The following FHIP1A variants were observed in gnomAD, a reference collection of about 807,000 sequenced individuals.
FHIP1A encodes the protein FHF complex subunit HOOK interacting protein 1A.
FHIP1A carries 61 observed loss-of-function variants against 88.6 expected under a neutral mutation model. The observed-to-expected ratio is 0.69, with a 90% CI of 0.56 to 0.85. The LOEUF (loss-of-function observed/expected upper bound fraction) is 0.85. Among genes scored for constraint, FHIP1A ranks in the 40% least tolerant of loss-of-function variants. The pLI, the probability that FHIP1A is intolerant of heterozygous loss-of-function variation, is 0.00. For synonymous variants in FHIP1A, 478 were observed against 496.0 expected (o/e 0.96, Z 0.48); for missense variants, 1,154 against 1,273.5 (o/e 0.91, Z 1.43).
rs187530119 is a variant in FHIP1A, at chr4:151,579,552, A to G, written c.732+1476A>G. 9.0e-3 allele frequency among the ~76,000 whole-genome samples: 1,372 copies of G among 152,306 alleles called. 9 individuals are homozygous for G. The highest frequency in any genetic ancestry group is 0.013 in the Non-Finnish European group (878 of 68,026). Reference sequence around the variant, plus strand: ...GGTATTGTAACAAATCAAAATATTCAGGTGGTTCACTTGATCAGTATGCAA... The same window carrying G: ...GGTATTGTAACAAATCAAAATATTCGGGTGGTTCACTTGATCAGTATGCAA... On this transcript the variant is annotated intron_variant, in intron 5 of 13. Coordinates refer to ENST00000435205, the MANE Select transcript of FHIP1A (RefSeq NM_001109977.3).
chr4:151,599,826 A>G (rs1734794655), intron 7 of FHIP1A, among the ~76,000 whole-genome samples: 1 of 152,196 alleles, frequency 6.6e-6, no homozygotes, highest in Non-Finnish European at 1.5e-5. Flanking sequence ...ATAGATGTGT[A>G]CAAGATGGTT....
chr4:151,588,848 C>A lies in FHIP1A; in HGVS notation c.900C>A (p.His300Gln). 6.4e-7 allele frequency: 1 copy of A among 1,550,398 alleles called. No individual in the cohort carries two copies. Among genetic ancestry groups the A allele is most frequent in the Non-Finnish European group, 8.7e-7 (1 of 1,145,888 alleles). The change falls in exon 7 of 14, where the codon CAC (histidine) becomes CAA (glutamine). Residue 300 changes from histidine to glutamine, a missense_variant. His to Gln is a conservative substitution (Grantham distance 24). Transcript: ENST00000435205. Reference protein sequence around the residue: ...EFCNAVIQVAHPLIRNQLVNY... With the variant: ...EFCNAVIQVAQPLIRNQLVNY... ...ATGTGCCTCTCTCTCAGGTGGCTCA[C>A]CCCTTGATTCGAAATCAGCTTGTCA...
intron 7 of FHIP1A, among the ~76,000 whole-genome samples, chr4:151,597,890 C>T (rs538423168): frequency 4.6e-5 from 7 of 152,222 alleles, no homozygotes; most frequent in East Asian, 3.9e-4. Flanking sequence ...GCACCAAGCT[C>T]GAGTGTCCCA....
chr4:151,644,312 T>C (rs976554938), intron 9 of FHIP1A, among the ~76,000 whole-genome samples: 2 of 151,210 alleles, frequency 1.3e-5, no homozygotes, highest in African/African-American at 4.9e-5. Context: ...GTATCACTTA[T>C]CACTTCTAGG....
intron 7 of FHIP1A, among the ~76,000 whole-genome samples, chr4:151,613,660 C>T (rs1414469548): frequency 6.6e-6 from 1 of 152,176 alleles, no homozygotes; most frequent in Admixed American, 6.5e-5. Flanking sequence ...TGTAGTTGTA[C>T]TTGATGGTCA....
At chr4:151,522,286 G>A (rs189277335) in intron 3 of FHIP1A, among the ~76,000 whole-genome samples, 39 of 152,274 alleles carry the variant, frequency 2.6e-4, no homozygotes, top group Admixed American at 4.6e-4. Context: ...CACTCTAACC[G>A]ACTTTAATCC....
At chr4:151,593,035 C>T (rs1356278230) in intron 7 of FHIP1A, among the ~76,000 whole-genome samples, 1 of 152,116 alleles carries the variant, frequency 6.6e-6, no homozygotes, top group Non-Finnish European at 1.5e-5. Flanking sequence ...TTCCCCATTG[C>T]TTGTTTTAGT....
rs553910044 is a variant in FHIP1A, at chr4:151,567,666, T to C, written c.105+1302T>C. Among the ~76,000 whole-genome samples the C allele has an allele frequency of 2.1e-3, 324 of 152,276 alleles. 1 individual carries two copies. Among genetic ancestry groups the C allele is most frequent in the African/African-American group, 7.5e-3 (312 of 41,564 alleles). ...CTAAGGAATGAGCCCAGTAGTTCATTGGGTGTAGGAAGAATATTTTAGAAG... is the reference window on the plus strand; with the variant it reads ...CTAAGGAATGAGCCCAGTAGTTCATCGGGTGTAGGAAGAATATTTTAGAAG... On this transcript the variant is annotated intron_variant, in intron 4 of 13. Transcript: ENST00000435205.
intron 3 of FHIP1A, among the ~76,000 whole-genome samples, chr4:151,554,049 C>T (rs1200288322): frequency 1.3e-5 from 2 of 152,184 alleles, no homozygotes; most frequent in Admixed American, 6.6e-5. Flanking sequence ...CCCATTGACT[C>T]TTGGCTCCCA....
At chr4:151,536,353 A>G (rs1359193061) in intron 3 of FHIP1A, among the ~76,000 whole-genome samples, 1 of 152,144 alleles carries the variant, frequency 6.6e-6, no homozygotes, top group Non-Finnish European at 1.5e-5. Flanking sequence ...CATCTGTGTA[A>G]GTTTGTATAT....
At chr4:151,439,556 G>T (rs1002234828) in intron 1 of FHIP1A, among the ~76,000 whole-genome samples, 10 of 151,950 alleles carry the variant, frequency 6.6e-5, no homozygotes, top group African/African-American at 2.4e-4. Flanking sequence ...GCTGTCTTTT[G>T]TTCTAAGATG....
chr4:151,618,084 G>C (rs1164236085), intron 7 of FHIP1A, among the ~76,000 whole-genome samples: 3 of 152,184 alleles, frequency 2.0e-5, no homozygotes, highest in East Asian at 3.8e-4. Flanking sequence ...AGGGATAAAT[G>C]CTTCTTATAC....
rs911565934 is a variant in FHIP1A, at chr4:151,668,474, C to T, written c.*5720C>T. ...AAAATGTACATGGGGTGGGGGAGCTCAGCTAAAATATCCTTACTTTGGTGC... is the reference window on the plus strand; with the variant it reads ...AAAATGTACATGGGGTGGGGGAGCTTAGCTAAAATATCCTTACTTTGGTGC... On this transcript the variant is annotated 3_prime_UTR_variant, in exon 14 of 14. Coordinates refer to ENST00000435205, the MANE Select transcript of FHIP1A (RefSeq NM_001109977.3). Among the ~76,000 whole-genome samples, 8 of 152,114 alleles carry T rather than the reference C, an allele frequency of 5.3e-5. No individual in the cohort carries two copies. The highest frequency in any genetic ancestry group is 1.2e-4 in the Non-Finnish European group (8 of 68,018).
intron 1 of FHIP1A, among the ~76,000 whole-genome samples, chr4:151,450,809 G>A (rs1328970870): frequency 6.6e-6 from 1 of 150,710 alleles, no homozygotes; most frequent in Non-Finnish European, 1.5e-5. Flanking sequence ...ACAGAGTTTC[G>A]CTCTGTCCCC....
chr4:151,573,695 G>A (rs1218212735), intron 4 of FHIP1A, among the ~76,000 whole-genome samples: 1 of 151,952 alleles, frequency 6.6e-6, no homozygotes, highest in African/African-American at 2.4e-5. Flanking sequence ...CCAGGCCGGG[G>A]GAGCCACTGT....
intron 3 of FHIP1A, among the ~76,000 whole-genome samples, chr4:151,508,691 C>T (rs1322587560): frequency 1.3e-5 from 2 of 152,088 alleles, no homozygotes; most frequent in Non-Finnish European, 2.9e-5. Flanking sequence ...ATGGGCTTAC[C>T]AAAAATAGGT....
intron 7 of FHIP1A, among the ~76,000 whole-genome samples, chr4:151,610,614 C>A (rs1157685185): frequency 6.6e-6 from 1 of 152,144 alleles, no homozygotes; most frequent in Admixed American, 6.5e-5. Flanking sequence ...TTTGCTATAC[C>A]CTGAGTGTGA....
intron 13 of FHIP1A, among the ~76,000 whole-genome samples, chr4:151,657,325 A>G (rs1434687633): frequency 6.6e-6 from 1 of 152,196 alleles, no homozygotes; most frequent in African/African-American, 2.4e-5. Flanking sequence ...GCCAAAAATA[A>G]GTGTGCTTTA....
chr4:151,572,635 T>C (rs1578767980), intron 4 of FHIP1A, among the ~76,000 whole-genome samples: 1 of 152,254 alleles, frequency 6.6e-6, no homozygotes, highest in East Asian at 1.9e-4. Flanking sequence ...TGGCTAAATC[T>C]TGCCCTTCAG....
Sources: gnomAD v4.1 joint callset for allele counts (sites outside exome capture counted in the v4.1 genomes callset) on GRCh38, gnomAD v4.1.1 for gene constraint, MANE v1.5 for transcripts, NCBI Gene and HGNC (gene_info 2026-07-23, HGNC 2026-07-21) for gene names.